The following ADGRB1 variants were observed in gnomAD, a reference collection of about 807,000 sequenced individuals.
The protein encoded by ADGRB1 is adhesion G protein-coupled receptor B1.
ADGRB1 carries 36 observed loss-of-function variants against 175.7 expected under a neutral mutation model. That is an observed-to-expected ratio of 0.20 (90% CI 0.16 to 0.27). ADGRB1 has a LOEUF of 0.27. Ranked by LOEUF, ADGRB1 falls within the 10% of genes least tolerant of loss-of-function variation. ADGRB1 has a pLI of 1.00. For synonymous variants in ADGRB1, 1,054 were observed against 979.4 expected, an observed-to-expected ratio of 1.08 and a Z score of -1.42; for missense variants, 1,731 against 2,255.3, an observed-to-expected ratio of 0.77 and a Z score of 4.71.
intron 27 of ADGRB1, 77 bp from the exon 28 acceptor site, chr8:142,541,864 C>A: frequency 7.1e-7 from 1 of 1,411,112 alleles, no homozygotes; most frequent in Non-Finnish European, 9.5e-7. Context: ...AGACTGGGCC[C>A]CTCTCCTGCT....
At chr8:142,467,417 AT>A (rs1042906328) in intron 2 of ADGRB1, among the ~76,000 whole-genome samples, 3 of 152,182 alleles carry the variant, frequency 2.0e-5, no homozygotes, top group Non-Finnish European at 2.9e-5. Flanking sequence ...GGTGCAGCTG[AT>A]GATCGACTTA....
intron 24 of ADGRB1, 75 bp downstream of exon 24, chr8:142,526,702 A>G (rs2132166999): frequency 2.8e-6 from 4 of 1,407,492 alleles, no homozygotes; most frequent in Non-Finnish European, 3.9e-6. Flanking sequence ...CGGGGGATGG[A>G]GAACGCTCCA....
In ADGRB1 at chr8:142,477,321, C is replaced by T. The variant is rs546439823; in HGVS notation, c.1222+43C>T. On this transcript the variant is annotated intron_variant, in intron 5 of 30. Coordinates refer to ENST00000517894, the MANE Select transcript of ADGRB1 (RefSeq NM_001702.3). ...CTGGGGCAGCGGACAGCCAGGGCAG[C>T]GGGGGGCCAGGGCAGCGGGGGCGGT... 18 of 1,582,332 alleles carry T rather than the reference C, an allele frequency of 1.1e-5. No individual in the cohort carries two copies. In the East Asian group the frequency reaches 1.6e-4, roughly 14 times the overall value.
intron 1 of ADGRB1, among the ~76,000 whole-genome samples, chr8:142,458,684 C>T (rs1386996082): frequency 2.0e-5 from 3 of 152,128 alleles, no homozygotes; most frequent in Non-Finnish European, 4.4e-5. Context: ...GAGGCCACCT[C>T]GCAGAAGCTG....
rs1366920197 is a variant in ADGRB1 at position 142,492,656 on chromosome 8, C to T, written c.2675+1841C>T. On this transcript the variant is annotated intron_variant, in intron 17 of 30. Transcript: ENST00000517894. The surrounding 1 kb of genome is among the most constrained non-coding windows in gnomAD (Gnocchi z 4.4). ...CCACATGGTGGACTCTGCTATGTTT[C>T]CTGCCCTGGGTCTGGGGTTGGCAGC... 1.3e-5 allele frequency among the ~76,000 whole-genome samples: 2 copies of T among 152,214 alleles called. No homozygotes were observed. The highest frequency in any genetic ancestry group is 2.4e-5 in the African/African-American group (1 of 41,448).
chr8:142,521,268 A>G (rs1843830807), intron 20 of ADGRB1, among the ~76,000 whole-genome samples: 1 of 152,058 alleles, frequency 6.6e-6, no homozygotes, highest in Non-Finnish European at 1.5e-5. Context: ...ACTCAAGACG[A>G]GTGGCACTGT....
At chr8:142,521,060 A>T in intron 20 of ADGRB1, 135 bp downstream of exon 20, 1 of 795,592 alleles carries the variant, frequency 1.3e-6, no homozygotes, top group Non-Finnish European at 2.0e-6. Context: ...AGGCTGCCCC[A>T]GCTACAGGGA....
chr8:142,539,539 C>G, intron 27 of ADGRB1, 126 bp downstream of exon 27: 1 of 1,198,586 alleles, frequency 8.3e-7, no homozygotes, highest in Non-Finnish European at 1.2e-6. Context: ...CACCCACACC[C>G]AGCCACACCG....
chr8:142,528,103 A>G (rs1158262055), intron 24 of ADGRB1, among the ~76,000 whole-genome samples: 1 of 152,118 alleles, frequency 6.6e-6, no homozygotes, highest in Non-Finnish European at 1.5e-5. Flanking sequence ...CACCCAGTAC[A>G]CCGGTCTATG....
At chr8:142,466,543 G>A (rs964029609) in intron 2 of ADGRB1, among the ~76,000 whole-genome samples, 1 of 152,220 alleles carries the variant, frequency 6.6e-6, no homozygotes, top group East Asian at 1.9e-4. Flanking sequence ...AAGCCAAGTG[G>A]TCATGCTGTG....
At chr8:142,465,034 A>T in intron 2 of ADGRB1, 52 bp downstream of exon 2, 18 of 262,114 alleles carry the variant, frequency 6.9e-5, no homozygotes, top group Non-Finnish European at 8.6e-5. Flanking sequence ...CAGACAGGGG[A>T]GGCGGGCAGA....
chr8:142,485,096 G>A (rs1239161368), intron 13 of ADGRB1, among the ~76,000 whole-genome samples: 1 of 152,204 alleles, frequency 6.6e-6, no homozygotes, highest in Non-Finnish European at 1.5e-5. Flanking sequence ...GGCTGTGCAA[G>A]CCACACTTTC....
In ADGRB1 at chr8:142,493,769, G is replaced by A. The variant is rs964950066; in HGVS notation, c.2675+2954G>A. On this transcript the variant is annotated intron_variant, in intron 17 of 30. Coordinates refer to ENST00000517894, the MANE Select transcript of ADGRB1 (RefSeq NM_001702.3). The surrounding 1 kb of genome is among the most constrained non-coding windows in gnomAD (Gnocchi z 5.0). ...TGGGCAGCCTGGAGCCCTAGAGGGC[G>A]GGCCACGGCTGGCAGGGAAGGACTG... Among the ~76,000 whole-genome samples, 2 of 152,226 alleles carry A rather than the reference G, an allele frequency of 1.3e-5. No individual in the cohort carries two copies. The highest frequency in any genetic ancestry group is 1.5e-5 in the Non-Finnish European group (1 of 68,040).
At chr8:142,466,177 C>T (rs1264429622) in intron 2 of ADGRB1, among the ~76,000 whole-genome samples, 3 of 152,002 alleles carry the variant, frequency 2.0e-5, no homozygotes, top group East Asian at 1.9e-4. Context: ...ATCGGGTGTT[C>T]GGGGGTGAGG....
In ADGRB1 at chr8:142,492,304, G is replaced by C. The variant is rs1842019353; in HGVS notation, c.2675+1489G>C. Among the ~76,000 whole-genome samples, 1 of 152,098 alleles carries C rather than the reference G, an allele frequency of 6.6e-6. No homozygotes were observed. Among genetic ancestry groups the C allele is most frequent in the African/African-American group, 2.4e-5 (1 of 41,382 alleles). On this transcript the variant is annotated intron_variant, in intron 17 of 30. Transcript: ENST00000517894. The surrounding 1 kb of genome is among the most constrained non-coding windows in gnomAD (Gnocchi z 4.4). ...CTCCGGCGGTCACTACCCTCTGATG[G>C]GCACTATTCTGGCAGGTCCCAGCCT...
chr8:142,542,174 G>A lies in ADGRB1; in HGVS notation c.3940G>A (p.Ala1314Thr), dbSNP rs755126112. 6 of 1,613,542 alleles carry A rather than the reference G, an allele frequency of 3.7e-6. No homozygotes were observed. Among genetic ancestry groups the A allele is most frequent in the African/African-American group, 2.7e-5 (2 of 74,898 alleles). Residue 1314 changes from alanine to threonine, a missense_variant, in exon 28 of 31, where the codon GCG becomes ACG. This residue lies in a region of ADGRB1 where 394 missense variants were observed against 410.2 expected (regional missense o/e 0.96). Coordinates refer to ENST00000517894, the MANE Select transcript of ADGRB1 (RefSeq NM_001702.3). The surrounding 1 kb of genome is among the most constrained non-coding windows in gnomAD (Gnocchi z 6.3). ...NHSLTLKRDK[A>T]PKSSFVGDGD... is the part of the protein sequence containing the mutation. ...CTCACTGACCCTCAAGAGGGACAAG[G>A]CGCCCAAGTCCTCCTTCGTCGGTGA...
At chr8:142,496,409 T>C (rs1842218906) in intron 17 of ADGRB1, among the ~76,000 whole-genome samples, 2 of 151,874 alleles carry the variant, frequency 1.3e-5, no homozygotes, top group South Asian at 2.1e-4. Flanking sequence ...AATGGAGGTA[T>C]GGACGGCTGG....
rs1021249373 is a variant in ADGRB1, at chr8:142,543,185, G to A, written c.4414-218G>A. On this transcript the variant is annotated intron_variant, in intron 28 of 30. Transcript: ENST00000517894. This position sits in a 1 kb window ranked among gnomAD's most constrained non-coding sequence, Gnocchi z 4.4. ...GGAGTGTGTCCCGGGTAGGCGAGCC[G>A]GACACCCCAGCCCAGCCTTGGTGCT... Among the ~76,000 whole-genome samples, 19 of 152,194 alleles carry A rather than the reference G, an allele frequency of 1.2e-4. No individual in the cohort carries two copies. The highest frequency in any genetic ancestry group is 1.9e-4 in the Non-Finnish European group (13 of 67,980).
intron 17 of ADGRB1, among the ~76,000 whole-genome samples, chr8:142,498,421 C>T (rs546331835): frequency 1.4e-4 from 21 of 152,226 alleles, no homozygotes; most frequent in East Asian, 7.7e-4. Flanking sequence ...CTGCCCAGGA[C>T]GCAGCTGTGA....
Sources: allele counts gnomAD v4.1 joint callset (sites outside exome capture counted in the v4.1 genomes callset), GRCh38; gene constraint gnomAD v4.1.1; regional missense constraint gnomAD v4.1.1; non-coding constraint Gnocchi (gnomAD v3.1); transcripts MANE v1.5; gene names NCBI Gene and HGNC (gene_info 2026-07-23, HGNC 2026-07-21).